Variants in PPARGC1A observed in about 807,000 individuals in gnomAD.
The protein encoded by PPARGC1A is PPARG coactivator 1 alpha, also known as peroxisome proliferator-activated receptor gamma coactivator 1-alpha.
In PPARGC1A, 25 loss-of-function variants were observed where a neutral mutation model predicts 88.7. That is an observed-to-expected ratio of 0.28 (90% CI 0.21 to 0.39). The LOEUF (loss-of-function observed/expected upper bound fraction) is 0.39, where lower values mean the gene tolerates loss of function less well. Among genes scored for constraint, PPARGC1A ranks in the 10% least tolerant of loss-of-function variants. The probability of loss-of-function intolerance (pLI) is 1.00; values close to 1 mark genes in which losing one functional copy is unlikely to be tolerated. For missense variants in PPARGC1A, 880 were observed against 968.7 expected (o/e 0.91, Z 1.22); for synonymous variants, 363 against 355.6 (o/e 1.02, Z -0.24).
the PPARGC1A span, among the ~76,000 whole-genome samples, chr4:24,151,685 A>C: frequency 6.6e-6 from 1 of 152,168 alleles, no homozygotes; most frequent in African/African-American, 2.4e-5. Context: ...ACTATTACTA[A>C]CCCTATCCTA....
the PPARGC1A span, among the ~76,000 whole-genome samples, chr4:24,191,932 C>G: frequency 6.6e-6 from 1 of 152,188 alleles, no homozygotes; most frequent in East Asian, 1.9e-4. Flanking sequence ...GAGTACACAA[C>G]ACTCCCATTC....
the PPARGC1A span, among the ~76,000 whole-genome samples, chr4:24,336,772 G>A: frequency 2.0e-5 from 3 of 151,916 alleles, no homozygotes; most frequent in East Asian, 1.9e-4. Context: ...TATAAATAAC[G>A]CTGCCATGAG....
the PPARGC1A span, among the ~76,000 whole-genome samples, chr4:24,008,271 G>C: frequency 6.6e-6 from 1 of 152,054 alleles, no homozygotes; most frequent in Non-Finnish European, 1.5e-5. Context: ...ACCAACTTGG[G>C]GAAGATAAAA....
At chr4:24,092,989 A>G in the PPARGC1A span, among the ~76,000 whole-genome samples, 28 of 152,226 alleles carry the variant, frequency 1.8e-4, no homozygotes, top group Non-Finnish European at 3.8e-4. Flanking sequence ...AATTGCCACA[A>G]TATCAACCAT....
chr4:24,049,308 G>GTGTGTATA, the PPARGC1A span, among the ~76,000 whole-genome samples: 3 of 139,550 alleles, frequency 2.1e-5, no homozygotes, highest in East Asian at 6.1e-4. Context: ...ATATATGTGT[G>GTGTGTATA]TATATATATA....
the PPARGC1A span, among the ~76,000 whole-genome samples, chr4:24,389,441 C>A: frequency 6.6e-6 from 1 of 152,174 alleles, no homozygotes. Flanking sequence ...CAATGAGTTA[C>A]AGAAAAGCTC....
the PPARGC1A span, among the ~76,000 whole-genome samples, chr4:24,200,655 C>CAAAAAAAAAAAAAAA: frequency 4.4e-4 from 39 of 88,346 alleles, 5 homozygotes; most frequent in South Asian, 1.2e-3. Flanking sequence ...ATTTATTAAG[C>CAAAAAAAAAAAAAAA]AAAAAAAAAA....
chr4:24,347,065 G>T, the PPARGC1A span, among the ~76,000 whole-genome samples: 1 of 152,082 alleles, frequency 6.6e-6, no homozygotes, highest in Non-Finnish European at 1.5e-5. Flanking sequence ...CCATGTATTT[G>T]CATGGTTTTG....
chr4:24,461,609 T>C, the PPARGC1A span, among the ~76,000 whole-genome samples: 9 of 148,812 alleles, frequency 6.0e-5, no homozygotes, highest in Non-Finnish European at 1.2e-4. Context: ...ATCGTGTCTA[T>C]CGTGTGTGTG....
At chr4:24,204,990 T>C in the PPARGC1A span, among the ~76,000 whole-genome samples, 1 of 152,136 alleles carries the variant, frequency 6.6e-6, no homozygotes, top group African/African-American at 2.4e-5. Flanking sequence ...CCCAGCTAAT[T>C]GTTCTTGTAT....
intron 2 of PPARGC1A, among the ~76,000 whole-genome samples, chr4:23,850,404 A>C (rs1475118542): frequency 6.6e-6 from 1 of 152,198 alleles, no homozygotes; most frequent in Non-Finnish European, 1.5e-5. Flanking sequence ...AAGTGAAAAC[A>C]ACCACGATCT....
At chr4:24,293,542 C>T in the PPARGC1A span, among the ~76,000 whole-genome samples, 1 of 67,518 alleles carries the variant, frequency 1.5e-5, no homozygotes, top group Non-Finnish European at 2.7e-5. Flanking sequence ...GCTGCCTGTG[C>T]TCCTCCTACC....
chr4:24,033,839 G>A, the PPARGC1A span, among the ~76,000 whole-genome samples: 1 of 152,174 alleles, frequency 6.6e-6, no homozygotes, highest in Non-Finnish European at 1.5e-5. Context: ...GGGCTGCGTG[G>A]AGCCGGTTGA....
chr4:24,278,316 C>T, the PPARGC1A span, among the ~76,000 whole-genome samples: 1 of 152,156 alleles, frequency 6.6e-6, no homozygotes, highest in Non-Finnish European at 1.5e-5. Context: ...GTTATAAGCA[C>T]CCCATCTATA....
chr4:24,184,494 AT>A, the PPARGC1A span, among the ~76,000 whole-genome samples: 1 of 152,214 alleles, frequency 6.6e-6, no homozygotes, highest in African/African-American at 2.4e-5. Flanking sequence ...TTTACAACTA[AT>A]CTCATCAGGT....
chr4:24,444,090 T>C, the PPARGC1A span, among the ~76,000 whole-genome samples: 13 of 151,696 alleles, frequency 8.6e-5, no homozygotes, highest in Non-Finnish European at 1.8e-4. Context: ...CAGACTGGAG[T>C]GCAGTGACAC....
the PPARGC1A span, among the ~76,000 whole-genome samples, chr4:24,304,535 A>G: frequency 6.6e-6 from 1 of 152,138 alleles, no homozygotes; most frequent in Non-Finnish European, 1.5e-5. Context: ...TCGCACAGCA[A>G]ATGCATGGCT....
chr4:24,257,887 C>T, the PPARGC1A span, among the ~76,000 whole-genome samples: 1 of 151,602 alleles, frequency 6.6e-6, no homozygotes, highest in East Asian at 1.9e-4. Context: ...AATAAAGACA[C>T]CTTATATTTA....
At chr4:24,387,906 G>A in the PPARGC1A span, among the ~76,000 whole-genome samples, 6 of 3,790 alleles carry the variant, frequency 1.6e-3, 1 homozygote, top group Non-Finnish European at 9.4e-3. Context: ...AAAAGAAAGA[G>A]AAAGAAAGAA....
Sources: allele counts gnomAD v4.1 joint callset (sites outside exome capture counted in the v4.1 genomes callset), GRCh38; gene constraint gnomAD v4.1.1; transcripts MANE v1.5; gene names NCBI Gene and HGNC (gene_info 2026-07-23, HGNC 2026-07-21).